The following VAV1 variants were observed in gnomAD, a reference collection of about 807,000 sequenced individuals.
The protein encoded by VAV1 is vav guanine nucleotide exchange factor 1, also known as proto-oncogene vav.
A neutral mutation model predicts 128.1 loss-of-function variants in VAV1; 33 were observed. The ratio of observed to expected loss-of-function variants is 0.26; its 90% CI spans 0.20 to 0.34. The LOEUF is 0.34. Among genes scored for constraint, VAV1 ranks in the 10% least tolerant of loss-of-function variants. The probability of loss-of-function intolerance (pLI) is 1.00; values close to 1 mark genes in which losing one functional copy is unlikely to be tolerated. For missense variants in VAV1, 715 were observed against 1,093.7 expected (o/e 0.65, Z 4.88); for synonymous variants, 394 against 409.8 (o/e 0.96, Z 0.47).
At chr19:6,790,297 A>G (rs368566937) in intron 1 of VAV1, among the ~76,000 whole-genome samples, 2 of 152,226 alleles carry the variant, frequency 1.3e-5, no homozygotes, top group Admixed American at 6.5e-5. Flanking sequence ...AGCACAGGAC[A>G]TAATGGACAC....
intron 14 of VAV1, among the ~76,000 whole-genome samples, chr19:6,830,537 T>A (rs1972030776): frequency 6.6e-6 from 1 of 151,420 alleles, no homozygotes; most frequent in African/African-American, 2.4e-5. Context: ...GCTCCCAGGT[T>A]CAAGCAATTC....
chr19:6,813,874 T>G (rs1013216152), intron 1 of VAV1, among the ~76,000 whole-genome samples: 5 of 151,992 alleles, frequency 3.3e-5, no homozygotes, highest in Non-Finnish European at 7.4e-5. Flanking sequence ...TGTGACATAG[T>G]GACATCCTGT....
chr19:6,828,881 C>T lies in VAV1; in HGVS notation c.1246C>T (p.Arg416Trp). The T allele has an allele frequency of 6.2e-7, 1 of 1,614,096 alleles. No individual in the cohort carries two copies. The highest frequency in any genetic ancestry group is 8.5e-7 in the Non-Finnish European group (1 of 1,180,020). Residue 416 changes from arginine to tryptophan, a missense_variant, in exon 13 of 27, where the codon CGG becomes TGG. Arg to Trp is a moderately radical substitution (Grantham distance 101). Around this residue, in one of 3 missense-constraint regions of VAV1, gnomAD observed 407 missense variants for 580.6 expected, o/e 0.70. Coordinates refer to ENST00000602142, the MANE Select transcript of VAV1 (RefSeq NM_005428.4). The surrounding 1 kb of genome is among the most constrained non-coding windows in gnomAD (Gnocchi z 4.5). ...DGELKITSVE[R>W]RSKMDRYAFL... ...GGAACTCAAGATCACCTCGGTGGAA[C>T]GGCGCTCCAAGATGGACAGGTGGGT... is the stretch of plus-strand genomic sequence containing the variant.
At chr19:6,845,153 G>C (rs1338520252) in intron 22 of VAV1, among the ~76,000 whole-genome samples, 1 of 152,112 alleles carries the variant, frequency 6.6e-6, no homozygotes, top group African/African-American at 2.4e-5. Flanking sequence ...GGCCGAGGCG[G>C]GTCGATCACT....
At chr19:6,845,090 G>A (rs1412026148) in intron 22 of VAV1, among the ~76,000 whole-genome samples, 1 of 152,146 alleles carries the variant, frequency 6.6e-6, no homozygotes, top group Middle Eastern at 3.4e-3. Context: ...TAAAATTGAG[G>A]TGAAATTCGG....
At chr19:6,775,283 G>A (rs1970598761) in intron 1 of VAV1, among the ~76,000 whole-genome samples, 1 of 152,210 alleles carries the variant, frequency 6.6e-6, no homozygotes, top group African/African-American at 2.4e-5. Flanking sequence ...AGGGAGTCAA[G>A]CTCTCTGTGA....
At chr19:6,843,091 C>T (rs767616858) in intron 21 of VAV1, 44 bp from the exon 22 acceptor site, 2 of 1,604,132 alleles carry the variant, frequency 1.2e-6, no homozygotes, top group African/African-American at 2.7e-5. Context: ...TGCTGTCAAG[C>T]TGGGGTCTTT....
At chr19:6,785,902 G>A (rs1157219082) in intron 1 of VAV1, among the ~76,000 whole-genome samples, 1 of 151,676 alleles carries the variant, frequency 6.6e-6, no homozygotes, top group Non-Finnish European at 1.5e-5. Flanking sequence ...CAAGTGATCC[G>A]CCCGTCTCGG....
At chr19:6,815,592 A>G (rs1214757554) in intron 1 of VAV1, among the ~76,000 whole-genome samples, 1 of 152,208 alleles carries the variant, frequency 6.6e-6, no homozygotes, top group Non-Finnish European at 1.5e-5. Flanking sequence ...ACATTCTGCA[A>G]ATGGAAGTGT....
At chr19:6,841,942 T>C (rs556788409) in intron 21 of VAV1, among the ~76,000 whole-genome samples, 30 of 151,624 alleles carry the variant, frequency 2.0e-4, no homozygotes, top group African/African-American at 6.8e-4. Flanking sequence ...GTGAGCACTT[T>C]CGGCCGGGCG....
chr19:6,856,842 T>G (rs1421409171), intron 26 of VAV1, among the ~76,000 whole-genome samples: 1 of 151,282 alleles, frequency 6.6e-6, no homozygotes, highest in Non-Finnish European at 1.5e-5. Context: ...GCTGATAAAG[T>G]GCCATTTAGG....
chr19:6,840,595 G>T (rs1049327028), intron 21 of VAV1, among the ~76,000 whole-genome samples: 7 of 151,726 alleles, frequency 4.6e-5, no homozygotes, highest in African/African-American at 1.7e-4. Context: ...CACTGCGCCC[G>T]GCCTTTTTTT....
At chr19:6,814,671 C>CCTTCCTTCCTTCCTTT in intron 1 of VAV1, among the ~76,000 whole-genome samples, 5 of 25,796 alleles carry the variant, frequency 1.9e-4, no homozygotes, top group East Asian at 1.3e-3. Context: ...TTCCTTCCTT[C>CCTTCCTTCCTTCCTTT]CTTTCTTTCT....
rs1972729461 is a variant in VAV1 at position 6,853,981 on chromosome 19, C to A, written c.2367C>A (p.Ala789=). Residue 789 remains alanine (A), a synonymous_variant, in exon 26 of 27, where the codon GCC becomes GCA. Coordinates refer to ENST00000602142, the MANE Select transcript of VAV1 (RefSeq NM_005428.4). ...CAAAGTATTTTGGCACAGCCAAAGC[C>A]CGCTATGACTTCTGCGCCCGAGACC... is the stretch of plus-strand genomic sequence containing the variant. The part of the protein sequence containing the change: ...GSTKYFGTAK[A]RYDFCARDRS... The A allele has an allele frequency of 1.2e-6, 2 of 1,613,268 alleles. No individual in the cohort carries two copies. Among genetic ancestry groups the A allele is most frequent in the Non-Finnish European group, 8.5e-7 (1 of 1,180,038 alleles).
chr19:6,836,314 G>A, intron 19 of VAV1, 118 bp from the exon 20 acceptor site: 1 of 1,314,716 alleles, frequency 7.6e-7, no homozygotes, highest in Middle Eastern at 2.0e-4. Flanking sequence ...CCACGTCCTT[G>A]TCAACACTTA....
At chr19:6,784,787 C>T (rs1362914312) in intron 1 of VAV1, among the ~76,000 whole-genome samples, 1 of 152,086 alleles carries the variant, frequency 6.6e-6, no homozygotes, top group African/African-American at 2.4e-5. Context: ...AGCCACCATG[C>T]CCAGCCTCCA....
At chr19:6,832,884 C>A (rs1294237924) in intron 15 of VAV1, among the ~76,000 whole-genome samples, 1 of 152,156 alleles carries the variant, frequency 6.6e-6, no homozygotes, top group Non-Finnish European at 1.5e-5. Context: ...GCAACCATCA[C>A]CTCTATCCAG....
chr19:6,773,354 A>G (rs1970544683), intron 1 of VAV1, among the ~76,000 whole-genome samples: 3 of 150,616 alleles, frequency 2.0e-5, no homozygotes, highest in Admixed American at 2.0e-4. Flanking sequence ...GCTCCCCAGA[A>G]CCCCCAGGGT....
At chr19:6,801,353 C>T (rs555446790) in intron 1 of VAV1, among the ~76,000 whole-genome samples, 8 of 152,306 alleles carry the variant, frequency 5.3e-5, no homozygotes, top group South Asian at 2.1e-4. Flanking sequence ...CTCAACTTGC[C>T]GGGCTGGTCT....
Sources: allele counts gnomAD v4.1 joint callset (sites outside exome capture counted in the v4.1 genomes callset), GRCh38; gene constraint gnomAD v4.1.1; regional missense constraint gnomAD v4.1.1; non-coding constraint Gnocchi (gnomAD v3.1); transcripts MANE v1.5; gene names NCBI Gene and HGNC (gene_info 2026-07-23, HGNC 2026-07-21).